The following HIVEP2 variants were observed in gnomAD, a reference collection of about 807,000 sequenced individuals.
HIVEP2 encodes HIVEP zinc finger 2, also known as transcription factor HIVEP2.
Under a neutral mutation model 180.7 loss-of-function variants are expected in HIVEP2, and 14 were observed. The ratio of observed to expected loss-of-function variants is 0.08; its 90% CI spans 0.05 to 0.12. The LOEUF (loss-of-function observed/expected upper bound fraction) is 0.12, where lower values mean the gene tolerates loss of function less well. HIVEP2 is among the 10% of genes least tolerant of loss of function. The probability of loss-of-function intolerance (pLI) is 1.00; values close to 1 mark genes in which losing one functional copy is unlikely to be tolerated. For synonymous variants in HIVEP2, 1,184 were observed against 1,136.4 expected, an observed-to-expected ratio of 1.04 and a Z score of -0.84; for missense variants, 2,579 against 3,008.5, an observed-to-expected ratio of 0.86 and a Z score of 3.34.
chr6:142,885,138 AC>A (rs1776664238), intron 1 of HIVEP2, among the ~76,000 whole-genome samples: 1 of 152,100 alleles, frequency 6.6e-6, no homozygotes, highest in African/African-American at 2.4e-5. Flanking sequence ...ATTGAAGAAA[AC>A]TCAGTGCCTT....
intron 6 of HIVEP2, among the ~76,000 whole-genome samples, chr6:142,765,581 A>C (rs1026046676): frequency 6.6e-6 from 1 of 152,200 alleles, no homozygotes; most frequent in Non-Finnish European, 1.5e-5. Context: ...CTTCCCAAAG[A>C]CCATGAATCT....
At chr6:142,904,499 CAG>C (rs1777214899) in intron 1 of HIVEP2, among the ~76,000 whole-genome samples, 1 of 152,130 alleles carries the variant, frequency 6.6e-6, no homozygotes, top group Non-Finnish European at 1.5e-5. Context: ...GGTGCAGTAT[CAG>C]AGGTGAATGT....
intron 2 of HIVEP2, among the ~76,000 whole-genome samples, chr6:142,785,125 G>A (rs197500): frequency 0.53 from 79,655 of 151,378 alleles, 21,818 homozygotes; most frequent in Non-Finnish European, 0.6. Flanking sequence ...TCCTGACCTC[G>A]TGATCCACCT....
At chr6:142,854,936 G>A (rs1775779662) in intron 1 of HIVEP2, among the ~76,000 whole-genome samples, 1 of 152,160 alleles carries the variant, frequency 6.6e-6, no homozygotes, top group Non-Finnish European at 1.5e-5. Flanking sequence ...CACCACAAAT[G>A]ACTCCATGAC....
chr6:142,860,504 C>T (rs1379945058), intron 1 of HIVEP2, among the ~76,000 whole-genome samples: 1 of 152,096 alleles, frequency 6.6e-6, no homozygotes, highest in Non-Finnish European at 1.5e-5. Flanking sequence ...TTTTACAACT[C>T]ACCATAATAT....
chr6:142,888,277 A>T (rs1776760115), intron 1 of HIVEP2, among the ~76,000 whole-genome samples: 1 of 152,076 alleles, frequency 6.6e-6, no homozygotes, highest in South Asian at 2.1e-4. Flanking sequence ...TGGTGTGACC[A>T]CAACTCACTG....
At chr6:142,789,361 TC>T (rs1776083534) in intron 2 of HIVEP2, among the ~76,000 whole-genome samples, 1 of 152,238 alleles carries the variant, frequency 6.6e-6, no homozygotes, top group African/African-American at 2.4e-5. Flanking sequence ...CGTCATGTTT[TC>T]TAAGATAAGA....
At chr6:142,761,417 A>G (rs1415081592) in intron 8 of HIVEP2, 47 bp downstream of exon 8, 1 of 913,826 alleles carries the variant, frequency 1.1e-6, no homozygotes, top group South Asian at 1.3e-5. Context: ...ACAGAGCTCC[A>G]CTGTGCATAA....
intron 9 of HIVEP2, among the ~76,000 whole-genome samples, chr6:142,759,119 T>C (rs190382777): frequency 3.8e-4 from 58 of 152,046 alleles, no homozygotes; most frequent in African/African-American, 1.3e-3. Flanking sequence ...CTGGCCAACA[T>C]GGTGAAACCC....
At chr6:142,910,431 T>C (rs190954250) in intron 1 of HIVEP2, among the ~76,000 whole-genome samples, 1 of 152,242 alleles carries the variant, frequency 6.6e-6, no homozygotes, top group East Asian at 1.9e-4. Flanking sequence ...TGAAACCCCA[T>C]CTCTACTAAA....
chr6:142,817,433 CTAAGT>C (rs377001310), intron 2 of HIVEP2, among the ~76,000 whole-genome samples: 102 of 152,296 alleles, frequency 6.7e-4, no homozygotes, highest in African/African-American at 2.3e-3. Flanking sequence ...AATGCCAAAT[CTAAGT>C]TATTTCATTT....
In HIVEP2 at chr6:142,753,569, A is replaced by C. The variant is rs1340154671; in HGVS notation, c.6879T>G (p.Ser2293=). The change falls in exon 10 of 10, where the codon TCT becomes TCG. Residue 2293 remains serine (S), a synonymous_variant. Coordinates refer to ENST00000367603, the MANE Select transcript of HIVEP2 (RefSeq NM_006734.4). ...GAGAGGAGGGAGTGCTAGGTGGACC[A>C]GATGACTGCAAAGCGTGAGGACCTC... ...EKRGPHALQS[S]GPPSTPSSPR... 1.9e-6 allele frequency: 3 copies of C among 1,614,232 alleles called. No homozygotes were observed. Among genetic ancestry groups the C allele is most frequent in the Non-Finnish European group, 2.5e-6 (3 of 1,180,030 alleles).
chr6:142,923,279 T>A (rs943443179), intron 1 of HIVEP2, among the ~76,000 whole-genome samples: 7 of 151,328 alleles, frequency 4.6e-5, no homozygotes, highest in Non-Finnish European at 7.4e-5. Context: ...TGCAGTGAGC[T>A]GAGATCGTGC....
chr6:142,772,208 G>T lies in HIVEP2; in HGVS notation c.2531C>A (p.Ala844Asp), dbSNP rs367697779. ...TGGAGCCCACTCAGGACTCACTGGG[G>T]CTTCTGAAATCTCACTGTCACAAGT... The part of the protein sequence containing the change: ...SETCDSEISE[A>D]PVSPEWAPPG... The change falls in exon 5 of 10, where the codon GCC becomes GAC. Residue 844 changes from alanine (A) to aspartate (D), a missense_variant. Coordinates refer to ENST00000367603, the MANE Select transcript of HIVEP2 (RefSeq NM_006734.4). This position sits in a 1 kb window ranked among gnomAD's most constrained non-coding sequence, Gnocchi z 4.9. The T allele has an allele frequency of 1.9e-6, 3 of 1,614,054 alleles. No individual in the cohort carries two copies. Among genetic ancestry groups the T allele is most frequent in the Non-Finnish European group, 2.5e-6 (3 of 1,180,034 alleles).
chr6:142,844,670 G>A (rs1325463603), intron 1 of HIVEP2, among the ~76,000 whole-genome samples: 8 of 152,112 alleles, frequency 5.3e-5, no homozygotes, highest in Non-Finnish European at 8.8e-5. Flanking sequence ...AAGCATCAAG[G>A]CTTGAATGTT....
At chr6:142,802,842 A>T (rs890226644) in intron 2 of HIVEP2, among the ~76,000 whole-genome samples, 10 of 152,186 alleles carry the variant, frequency 6.6e-5, no homozygotes, top group Non-Finnish European at 1.3e-4. Context: ...TTGGAATTTT[A>T]CATTTTTATA....
chr6:142,933,926 C>A (rs779096198), intron 1 of HIVEP2, among the ~76,000 whole-genome samples: 2 of 152,140 alleles, frequency 1.3e-5, no homozygotes, highest in Non-Finnish European at 2.9e-5. Flanking sequence ...GTCTTTAGAG[C>A]CCTTTCCTTT....
At chr6:142,931,730 C>A (rs966465331) in intron 1 of HIVEP2, among the ~76,000 whole-genome samples, 1 of 152,152 alleles carries the variant, frequency 6.6e-6, no homozygotes. Context: ...ACATACTTAT[C>A]TTTTATCTGT....
intron 1 of HIVEP2, among the ~76,000 whole-genome samples, chr6:142,887,644 A>C (rs531602984): frequency 6.6e-6 from 1 of 152,316 alleles, no homozygotes; most frequent in East Asian, 1.9e-4. Flanking sequence ...AGGCCTGTTA[A>C]ATTTACTATC....
Sources: gnomAD v4.1 joint callset for allele counts (sites outside exome capture counted in the v4.1 genomes callset) on GRCh38, gnomAD v4.1.1 for gene constraint, Gnocchi (gnomAD v3.1) non-coding constraint, MANE v1.5 for transcripts, NCBI Gene and HGNC (gene_info 2026-07-23, HGNC 2026-07-21) for gene names.